GULP1: variants seen among roughly 807,000 people sequenced by gnomAD.
GULP1 encodes the protein PTB domain-containing engulfment adapter protein 1.
In GULP1, 19 loss-of-function variants were observed where a neutral mutation model predicts 40.9. That is an observed-to-expected ratio of 0.46 (90% CI 0.32 to 0.68). The LOEUF (loss-of-function observed/expected upper bound fraction) is 0.68, where lower values mean the gene tolerates loss of function less well. GULP1 is among the 30% of genes least tolerant of loss of function. GULP1 has a pLI of 0.03. For missense variants in GULP1, 312 were observed against 362.2 expected (o/e 0.86, Z 1.12); for synonymous variants, 119 against 117.6 (o/e 1.01, Z -0.08).
At chr2:188,580,349 C>T (rs1334840726) in intron 9 of GULP1, among the ~76,000 whole-genome samples, 1 of 151,838 alleles carries the variant, frequency 6.6e-6, no homozygotes, top group East Asian at 1.9e-4. Flanking sequence ...GTCAGGAGAT[C>T]GAGACCATCC....
At chr2:188,314,047 C>G (rs1296598339) in intron 1 of GULP1, among the ~76,000 whole-genome samples, 1 of 151,482 alleles carries the variant, frequency 6.6e-6, no homozygotes, top group East Asian at 1.9e-4. Context: ...CATAATAAGA[C>G]TCCATTCTTG....
chr2:188,427,241 T>A lies in GULP1; in HGVS notation c.-45+43352T>A, dbSNP rs537872605. On this transcript the variant is annotated intron_variant, in intron 2 of 11. Transcript: ENST00000409830. ...AAAAGGGAAGCAGAGCTTAATGTCT[T>A]AGAAGATTGGCAGCCTGGTCATCTG... Among the ~76,000 whole-genome samples the A allele has an allele frequency of 4.4e-4, 67 of 152,308 alleles. No individual in the cohort carries two copies. In the South Asian group the frequency reaches 6.2e-3, roughly 14 times the overall value.
intron 7 of GULP1, among the ~76,000 whole-genome samples, chr2:188,559,085 A>G (rs1402671545): frequency 6.6e-6 from 1 of 152,212 alleles, no homozygotes; most frequent in East Asian, 1.9e-4. Context: ...GTTAATCCCC[A>G]AGACAATGGG....
chr2:188,396,874 C>T (rs2051350143), intron 2 of GULP1, among the ~76,000 whole-genome samples: 1 of 152,204 alleles, frequency 6.6e-6, no homozygotes, highest in African/African-American at 2.4e-5. Context: ...ACTGGGAATG[C>T]ACACGTCTCT....
chr2:188,475,937 A>G (rs2060975960), intron 2 of GULP1, among the ~76,000 whole-genome samples: 1 of 152,162 alleles, frequency 6.6e-6, no homozygotes, highest in South Asian at 2.1e-4. Context: ...GTCTATTGGT[A>G]TAATATGTGT....
chr2:188,388,303 T>G (rs1574931896), intron 2 of GULP1, among the ~76,000 whole-genome samples: 1 of 146,940 alleles, frequency 6.8e-6, no homozygotes, highest in African/African-American at 2.5e-5. Context: ...CTGAGGCAGG[T>G]GGATCGCTTG....
At chr2:188,339,241 G>A (rs979716508) in intron 1 of GULP1, among the ~76,000 whole-genome samples, 1 of 152,216 alleles carries the variant, frequency 6.6e-6, no homozygotes, top group African/African-American at 2.4e-5. Flanking sequence ...GACTTGAAAT[G>A]TCTTTGTGTG....
At chr2:188,421,309 A>T (rs2152767525) in intron 2 of GULP1, among the ~76,000 whole-genome samples, 1 of 152,306 alleles carries the variant, frequency 6.6e-6, no homozygotes, top group East Asian at 1.9e-4. Context: ...CTATGCCTGT[A>T]TAAATTATAA....
At chr2:188,329,799 G>A (rs2041305460) in intron 1 of GULP1, among the ~76,000 whole-genome samples, 1 of 152,158 alleles carries the variant, frequency 6.6e-6, no homozygotes, top group Non-Finnish European at 1.5e-5. Context: ...TGGGGTTCGT[G>A]ATGTATTTTG....
At chr2:188,426,146 C>G (rs1274669645) in intron 2 of GULP1, among the ~76,000 whole-genome samples, 3 of 152,132 alleles carry the variant, frequency 2.0e-5, no homozygotes, top group African/African-American at 7.2e-5. Context: ...CTGGACATAT[C>G]ACAGTGATGG....
intron 2 of GULP1, among the ~76,000 whole-genome samples, chr2:188,421,560 T>C (rs897955669): frequency 3.3e-5 from 5 of 152,192 alleles, no homozygotes; most frequent in African/African-American, 1.2e-4. Flanking sequence ...CACTTAAATG[T>C]TTTTTGAGTG....
chr2:188,529,455 T>A (rs529221698), intron 6 of GULP1, among the ~76,000 whole-genome samples: 1 of 152,260 alleles, frequency 6.6e-6, no homozygotes, highest in African/African-American at 2.4e-5. Flanking sequence ...TATTTGGGAA[T>A]GTTTTTTTCA....
intron 2 of GULP1, among the ~76,000 whole-genome samples, chr2:188,410,669 G>A (rs903955801): frequency 6.6e-6 from 1 of 152,166 alleles, no homozygotes; most frequent in African/African-American, 2.4e-5. Flanking sequence ...GACGTAGGAA[G>A]AGCCCAAAGT....
At chr2:188,578,791 A>G (rs1700683004) in intron 9 of GULP1, among the ~76,000 whole-genome samples, 1 of 152,140 alleles carries the variant, frequency 6.6e-6, no homozygotes, top group South Asian at 2.1e-4. Context: ...AATCCAAAAA[A>G]TTTGGTTCCT....
At chr2:188,472,843 G>T (rs573943894) in intron 2 of GULP1, among the ~76,000 whole-genome samples, 2 of 152,180 alleles carry the variant, frequency 1.3e-5, no homozygotes, top group African/African-American at 4.8e-5. Flanking sequence ...CCTAGTACTT[G>T]TAGATGATTG....
chr2:188,504,197 A>G (rs539663759), intron 4 of GULP1, among the ~76,000 whole-genome samples: 115 of 151,950 alleles, frequency 7.6e-4, no homozygotes, highest in Non-Finnish European at 1.4e-3. Context: ...ACATAGAGCT[A>G]GGAAAGCTCT....
intron 2 of GULP1, among the ~76,000 whole-genome samples, chr2:188,421,034 C>G (rs891810844): frequency 1.3e-5 from 2 of 152,116 alleles, no homozygotes; most frequent in East Asian, 3.9e-4. Flanking sequence ...TTCTATTCAA[C>G]ATAATATTGG....
intron 9 of GULP1, chr2:188,582,266 A>C (rs1193964597): frequency 4.8e-6 from 2 of 414,068 alleles, no homozygotes; most frequent in East Asian, 1.4e-4. Flanking sequence ...TTTACAAATA[A>C]ATTTCAAGTA....
At chr2:188,330,275 G>A (rs528472890) in intron 1 of GULP1, among the ~76,000 whole-genome samples, 2 of 152,164 alleles carry the variant, frequency 1.3e-5, no homozygotes, top group East Asian at 3.9e-4. Context: ...TACTACCTAA[G>A]TACCTATAAA....
Sources: allele counts gnomAD v4.1 joint callset (sites outside exome capture counted in the v4.1 genomes callset), GRCh38; gene constraint gnomAD v4.1.1; transcripts MANE v1.5; gene names NCBI Gene and HGNC (gene_info 2026-07-23, HGNC 2026-07-21).